Variants in CADM2 observed in about 807,000 individuals in gnomAD.
CADM2 encodes the protein immunoglobulin superfamily member 4D.
CADM2 carries 12 observed loss-of-function variants against 49.8 expected under a neutral mutation model. The ratio of observed to expected loss-of-function variants is 0.24; its 90% CI spans 0.15 to 0.39. The LOEUF is 0.39. CADM2 is among the 10% of genes least tolerant of loss of function. CADM2 has a pLI of 1.00. For missense variants in CADM2, 378 were observed against 492.3 expected (o/e 0.77, Z 2.20); for synonymous variants, 214 against 175.4 (o/e 1.22, Z -1.74).
At chr3:85,411,505 G>T (rs756625180) in intron 1 of CADM2, among the ~76,000 whole-genome samples, 7 of 152,198 alleles carry the variant, frequency 4.6e-5, no homozygotes, top group Admixed American at 6.5e-5. Flanking sequence ...TCTTTACGGA[G>T]AAAGTGATTA....
chr3:85,641,579 AT>A (rs2064714410), intron 1 of CADM2, among the ~76,000 whole-genome samples: 1 of 152,120 alleles, frequency 6.6e-6, no homozygotes, highest in Non-Finnish European at 1.5e-5. Context: ...TATCTTAAAC[AT>A]TTTTCCTTTA....
At chr3:85,754,162 T>A (rs576249746) in intron 2 of CADM2, among the ~76,000 whole-genome samples, 1 of 152,306 alleles carries the variant, frequency 6.6e-6, no homozygotes, top group Admixed American at 6.5e-5. Flanking sequence ...ACCAGTTAAA[T>A]GTGGCCATTT....
chr3:85,222,034 A>T (rs1362513427), intron 1 of CADM2, among the ~76,000 whole-genome samples: 1 of 152,194 alleles, frequency 6.6e-6, no homozygotes, highest in Non-Finnish European at 1.5e-5. Flanking sequence ...CAAAATTATT[A>T]TTGAAGAATA....
intron 1 of CADM2, among the ~76,000 whole-genome samples, chr3:85,681,926 T>A (rs2066050122): frequency 6.6e-6 from 1 of 152,130 alleles, no homozygotes; most frequent in Non-Finnish European, 1.5e-5. Context: ...TGGAGGTAGA[T>A]AAATGTGCTA....
intron 1 of CADM2, among the ~76,000 whole-genome samples, chr3:85,573,489 A>G (rs975143363): frequency 3.3e-5 from 5 of 152,100 alleles, no homozygotes. Flanking sequence ...GGTGTGAGCC[A>G]CCGCTCCCAG....
intron 1 of CADM2, among the ~76,000 whole-genome samples, chr3:85,053,355 G>A (rs1030714066): frequency 4.6e-5 from 7 of 152,074 alleles, no homozygotes; most frequent in Middle Eastern, 3.4e-3. Context: ...GTTGGGGACT[G>A]TATTTTAAAA....
At chr3:84,998,431 C>T (rs1156709092) in intron 1 of CADM2, among the ~76,000 whole-genome samples, 1 of 152,080 alleles carries the variant, frequency 6.6e-6, no homozygotes, top group African/African-American at 2.4e-5. Flanking sequence ...TGAAGTACCC[C>T]TTTTAATGCC....
intron 1 of CADM2, among the ~76,000 whole-genome samples, chr3:85,312,249 T>G (rs1343225181): frequency 6.6e-6 from 1 of 152,134 alleles, no homozygotes; most frequent in Admixed American, 6.5e-5. Context: ...GAATTAATTA[T>G]GATAATAATT....
chr3:85,882,124 G>T (rs1049037503), intron 3 of CADM2, among the ~76,000 whole-genome samples: 9 of 151,932 alleles, frequency 5.9e-5, no homozygotes, highest in African/African-American at 2.2e-4. Context: ...TACTTCCAGG[G>T]CTCTGTACTT....
intron 1 of CADM2, among the ~76,000 whole-genome samples, chr3:85,583,531 T>C (rs1259637508): frequency 6.6e-6 from 1 of 152,124 alleles, no homozygotes; most frequent in Non-Finnish European, 1.5e-5. Flanking sequence ...ATAGTGGAAA[T>C]TGAGCAAATG....
intron 1 of CADM2, among the ~76,000 whole-genome samples, chr3:85,058,135 G>A (rs1262556271): frequency 6.6e-6 from 1 of 152,090 alleles, no homozygotes; most frequent in Admixed American, 6.5e-5. Flanking sequence ...TGTAAACTAT[G>A]GGAAAAGTTA....
chr3:85,338,162 G>T (rs185900434), intron 1 of CADM2, among the ~76,000 whole-genome samples: 7 of 151,684 alleles, frequency 4.6e-5, no homozygotes, highest in Admixed American at 3.3e-4. Flanking sequence ...CATAGAAGAT[G>T]TGTGTGCCTC....
At chr3:85,099,210 A>G (rs2037918763) in intron 1 of CADM2, among the ~76,000 whole-genome samples, 1 of 152,128 alleles carries the variant, frequency 6.6e-6, no homozygotes, top group African/African-American at 2.4e-5. Flanking sequence ...TCCCCAAGGG[A>G]GGACACCTGA....
chr3:85,910,325 T>C (rs1167658545), intron 5 of CADM2, among the ~76,000 whole-genome samples: 1 of 152,108 alleles, frequency 6.6e-6, no homozygotes, highest in Non-Finnish European at 1.5e-5. Context: ...ACGTTGGGCA[T>C]AGAGTTATAA....
At chr3:85,616,135 TAAAAAAATGA>T (rs1247215432) in intron 1 of CADM2, among the ~76,000 whole-genome samples, 2 of 151,716 alleles carry the variant, frequency 1.3e-5, no homozygotes, top group Non-Finnish European at 2.9e-5. Flanking sequence ...ATCCTCATTT[TAAAAAAATGA>T]AAAAATGTGA....
At chr3:85,468,647 A>G (rs887906381) in intron 1 of CADM2, among the ~76,000 whole-genome samples, 6 of 152,178 alleles carry the variant, frequency 3.9e-5, no homozygotes, top group Non-Finnish European at 7.3e-5. Flanking sequence ...AGCCTATAGT[A>G]TAAATTTGGT....
rs201327264 is a variant in CADM2, at chr3:86,070,636, A to AC, written c.*3853_*3854insC. The AC allele has an allele frequency of 3.8e-4, 58 of 151,496 alleles. No homozygotes were observed. Among genetic ancestry groups the AC allele is most frequent in the Admixed American group, 3.3e-3 (50 of 15,182 alleles). The allele number at this position is 151,496 out of a possible 1,614,324, so 9.4% of individuals were successfully genotyped here. On this transcript the variant is annotated 3_prime_UTR_variant, in exon 10 of 10. Transcript: ENST00000383699. ...ATTTCTGATAAAACAATACAAAACA[A>AC]AAAAAAAGCAGTAATCACAGCCAAA...
At chr3:85,002,152 T>C (rs2033495419) in intron 1 of CADM2, among the ~76,000 whole-genome samples, 1 of 152,296 alleles carries the variant, frequency 6.6e-6, no homozygotes, top group Admixed American at 6.5e-5. Context: ...CTTAATATTT[T>C]TGGTGAAATT....
chr3:85,657,777 C>T (rs67516819), intron 1 of CADM2, among the ~76,000 whole-genome samples: 47,887 of 110,702 alleles, frequency 0.43, 9,282 homozygotes, highest in East Asian at 0.67. Context: ...TATATATATA[C>T]ATATACATGT....
Sources: allele counts gnomAD v4.1 joint callset (sites outside exome capture counted in the v4.1 genomes callset), GRCh38; gene constraint gnomAD v4.1.1; transcripts MANE v1.5; gene names NCBI Gene and HGNC (gene_info 2026-07-23, HGNC 2026-07-21).